The following MACO1 variants were observed in gnomAD, a reference collection of about 807,000 sequenced individuals.
The protein encoded by MACO1 is macoilin 1.
A neutral mutation model predicts 78.7 loss-of-function variants in MACO1; 14 were observed. The ratio of observed to expected loss-of-function variants is 0.18; its 90% CI spans 0.12 to 0.28. MACO1 has a LOEUF of 0.28. Among genes scored for constraint, MACO1 ranks in the 10% least tolerant of loss-of-function variants. The pLI, the probability that MACO1 is intolerant of heterozygous loss-of-function variation, is 1.00. For missense variants in MACO1, 501 were observed against 799.0 expected (o/e 0.63, Z 4.50); for synonymous variants, 288 against 291.6 (o/e 0.99, Z 0.12).
At chr1:25,469,151 T>C (rs984414786) in intron 6 of MACO1, among the ~76,000 whole-genome samples, 5 of 152,120 alleles carry the variant, frequency 3.3e-5, no homozygotes, top group African/African-American at 1.2e-4. Context: ...CTGAGAAGTG[T>C]TTAACTTATA....
intron 6 of MACO1, among the ~76,000 whole-genome samples, chr1:25,463,063 A>G (rs1283893907): frequency 1.3e-5 from 2 of 152,192 alleles, no homozygotes; most frequent in Non-Finnish European, 2.9e-5. Flanking sequence ...CCCTTTACAG[A>G]AAAAGTGTGC....
Position 25,491,489 on chromosome 1 carries a change from A to G in MACO1, c.1697A>G (p.Gln566Arg). ...CTCTCAGCCATGCAAGACAAAACAC[A>G]GCACCTGGAGAACAGCTTAAGTGCA... ...SALSAMQDKT[Q>R]HLENSLSAET... The change falls in exon 10 of 11, where the codon CAG (glutamine) becomes CGG (arginine). Residue 566 changes from glutamine (Q) to arginine (R), a missense_variant. By Grantham distance (43) the Gln-to-Arg change is conservative. Transcript: ENST00000374343. 1 of 1,614,282 alleles carries G rather than the reference A, an allele frequency of 6.2e-7. No homozygotes were observed. Among genetic ancestry groups the G allele is most frequent in the Non-Finnish European group, 8.5e-7 (1 of 1,180,044 alleles).
At chr1:25,435,714 T>A (rs1484462839) in intron 1 of MACO1, among the ~76,000 whole-genome samples, 4 of 152,374 alleles carry the variant, frequency 2.6e-5, no homozygotes, top group African/African-American at 9.6e-5. Flanking sequence ...GCTTTAACTT[T>A]AACAATCCTG....
rs1350700437 is a variant in MACO1 at position 25,500,170 on chromosome 1, T to C, written c.*1704T>C. ...TGGCTGCATTCTTTTTTTTTTTTCC[T>C]GTGGGGTTCAAAAGAATAAACATTT... On this transcript the variant is annotated 3_prime_UTR_variant, in exon 11 of 11. Coordinates refer to ENST00000374343, the MANE Select transcript of MACO1 (RefSeq NM_018202.6). The C allele has an allele frequency of 1.3e-5, 2 of 152,054 alleles. No individual in the cohort carries two copies. Among genetic ancestry groups the C allele is most frequent in the African/African-American group, 2.4e-5 (1 of 41,334 alleles). 9.4% of individuals were successfully genotyped at this position (152,054 alleles called of 1,614,324 possible). A position where few individuals can be genotyped will look rare whatever the true frequency, so the allele number is the denominator to read the frequency against.
chr1:25,485,163 A>T lies in MACO1; in HGVS notation c.1314-450A>T, dbSNP rs1003931776. 1.3e-5 allele frequency among the ~76,000 whole-genome samples: 2 copies of T among 152,240 alleles called. No individual in the cohort carries two copies. The highest frequency in any genetic ancestry group is 2.4e-5 in the African/African-American group (1 of 41,470). ...GAAAGGAAAAGCTGTAGTAGGCTAC[A>T]GCAAAATTGTATTCAGGAAAAATAA... On this transcript the variant is annotated intron_variant, in intron 7 of 10. Coordinates refer to ENST00000374343, the MANE Select transcript of MACO1 (RefSeq NM_018202.6). This position sits in a 1 kb window ranked among gnomAD's most constrained non-coding sequence, Gnocchi z 4.3.
intron 10 of MACO1, among the ~76,000 whole-genome samples, chr1:25,492,043 G>A (rs147727866): frequency 5.6e-4 from 86 of 152,222 alleles, no homozygotes; most frequent in African/African-American, 2.0e-3. Flanking sequence ...AGGGTGAGGG[G>A]TAGAGGGGTC....
intron 3 of MACO1, among the ~76,000 whole-genome samples, chr1:25,450,669 A>G (rs2043057528): frequency 1.3e-5 from 2 of 151,934 alleles, no homozygotes; most frequent in South Asian, 2.1e-4. Context: ...GATTTTCTCC[A>G]TGTTTCACAC....
intron 1 of MACO1, among the ~76,000 whole-genome samples, chr1:25,437,528 T>G (rs2124568029): frequency 6.6e-6 from 1 of 152,188 alleles, no homozygotes; most frequent in Non-Finnish European, 1.5e-5. Context: ...GCAAGAATAG[T>G]TGAACATTAA....
chr1:25,459,082 G>A (rs184144858), intron 6 of MACO1, among the ~76,000 whole-genome samples, 190 bp downstream of exon 6: 22 of 152,302 alleles, frequency 1.4e-4, no homozygotes, highest in Admixed American at 1.3e-3. Flanking sequence ...TCTTTGCAGT[G>A]TTCTGAATAA....
At chr1:25,457,797 A>C (rs1017230092) in intron 5 of MACO1, among the ~76,000 whole-genome samples, 2 of 152,186 alleles carry the variant, frequency 1.3e-5, no homozygotes, top group African/African-American at 4.8e-5. Context: ...CTCTTCAAGT[A>C]GACCTTAATA....
chr1:25,439,922 G>T (rs977475205), intron 1 of MACO1, among the ~76,000 whole-genome samples: 3 of 151,378 alleles, frequency 2.0e-5, no homozygotes, highest in African/African-American at 7.3e-5. Flanking sequence ...GGAGGCTGAG[G>T]CAGGAGAATC....
At position 25,431,159 on chromosome 1, in the gene MACO1, A is replaced by C. The variant is rs763732329; in HGVS notation, c.61A>C (p.Thr21Pro). The change falls in exon 1 of 11, where the codon ACC becomes CCC. Residue 21 changes from threonine (T) to proline (P), a missense_variant. Coordinates refer to ENST00000374343, the MANE Select transcript of MACO1 (RefSeq NM_018202.6). ...LRRPLKRNRI[T>P]EGIYGSTFLY... is the part of the protein sequence containing the mutation. ...CCGCCCCCTAAAGCGGAACCGGATC[A>C]CCGAGGGCATTTACGGCAGGTGAGC... The C allele has an allele frequency of 5.6e-6, 9 of 1,597,736 alleles. No individual in the cohort carries two copies. The highest frequency in any genetic ancestry group is 6.0e-6 in the Non-Finnish European group (7 of 1,174,514).
At position 25,485,830 on chromosome 1, in the gene MACO1, T is replaced by C. The variant is rs183863597; in HGVS notation, c.1496+35T>C. On this transcript the variant is annotated intron_variant, in intron 8 of 10. Coordinates refer to ENST00000374343, the MANE Select transcript of MACO1 (RefSeq NM_018202.6). This position sits in a 1 kb window ranked among gnomAD's most constrained non-coding sequence, Gnocchi z 4.3. ...TGTCACCTGAGTGTTTAATCCAAGG[T>C]TGGCTTTCCTTTACCAACAAAGACA... 5.6e-5 allele frequency: 89 copies of C among 1,577,198 alleles called. No individual in the cohort carries two copies. In the African/African-American group the frequency reaches 1.2e-3, roughly 21 times the overall value.
chr1:25,450,426 C>T lies in MACO1; in HGVS notation c.349+1492C>T, dbSNP rs540503618. 1.2e-4 allele frequency among the ~76,000 whole-genome samples: 19 copies of T among 152,170 alleles called. No homozygotes were observed. In the East Asian group the frequency reaches 3.7e-3, roughly 29 times the overall value. On this transcript the variant is annotated intron_variant, in intron 3 of 10. Coordinates refer to ENST00000374343, the MANE Select transcript of MACO1 (RefSeq NM_018202.6). ...CGTGAAAGCCAGAGCTTGGTATGCA[C>T]TAGGATTTGAGGATTGGCTGTCAGA...
intron 1 of MACO1, among the ~76,000 whole-genome samples, chr1:25,440,703 G>A (rs1217804577): frequency 6.6e-6 from 1 of 150,880 alleles, no homozygotes; most frequent in Non-Finnish European, 1.5e-5. Context: ...GGGAGGTAGA[G>A]GTTGCAGTGA....
At chr1:25,452,821 C>T (rs964604285) in intron 3 of MACO1, among the ~76,000 whole-genome samples, 8 of 151,518 alleles carry the variant, frequency 5.3e-5, no homozygotes, top group South Asian at 2.1e-4. Context: ...CTCAGCCTCC[C>T]GAGTAACTGG....
At chr1:25,453,780 C>T (rs76438321) in intron 3 of MACO1, among the ~76,000 whole-genome samples, 7,672 of 151,884 alleles carry the variant, frequency 0.051, 596 homozygotes, top group African/African-American at 0.17. Context: ...ATATTATTGC[C>T]GAGTATGAAA....
At chr1:25,461,783 A>C (rs991195828) in intron 6 of MACO1, among the ~76,000 whole-genome samples, 3 of 152,248 alleles carry the variant, frequency 2.0e-5, no homozygotes, top group East Asian at 3.8e-4. Context: ...TCTAATATAC[A>C]TAGAAAAATG....
At chr1:25,478,079 T>C (rs1055821773) in intron 6 of MACO1, among the ~76,000 whole-genome samples, 1 of 150,094 alleles carries the variant, frequency 6.7e-6, no homozygotes, top group Non-Finnish European at 1.5e-5. Context: ...ACCCCATCTC[T>C]ACAAAAAATA....
Sources: gnomAD v4.1 joint callset for allele counts (sites outside exome capture counted in the v4.1 genomes callset) on GRCh38, gnomAD v4.1.1 for gene constraint, Gnocchi (gnomAD v3.1) non-coding constraint, MANE v1.5 for transcripts, NCBI Gene and HGNC (gene_info 2026-07-23, HGNC 2026-07-21) for gene names.